Variants in R3HDM1 observed in about 807,000 individuals in gnomAD.
R3HDM1 encodes the protein R3H domain-containing protein 1.
A neutral mutation model predicts 141.1 loss-of-function variants in R3HDM1; 46 were observed. The observed-to-expected ratio is 0.33, with a 90% CI of 0.26 to 0.42. The LOEUF (loss-of-function observed/expected upper bound fraction) is 0.42, where lower values mean the gene tolerates loss of function less well. Among genes scored for constraint, R3HDM1 ranks in the 10% least tolerant of loss-of-function variants. The pLI is 1.00. For synonymous variants in R3HDM1, 435 were observed against 472.9 expected (o/e 0.92, Z 1.04); for missense variants, 1,184 against 1,368.3 (o/e 0.87, Z 2.12).
intron 21 of R3HDM1, among the ~76,000 whole-genome samples, chr2:135,706,359 A>G (rs956428830): frequency 3.3e-5 from 5 of 150,842 alleles, no homozygotes; most frequent in South Asian, 2.1e-4. Flanking sequence ...TTACATATCC[A>G]TAGTTTTGTT....
At chr2:135,616,814 A>T in intron 5 of R3HDM1, 57 bp downstream of exon 5, 1 of 1,384,750 alleles carries the variant, frequency 7.2e-7, no homozygotes, top group Non-Finnish European at 1.0e-6. Context: ...GAATTTTTGT[A>T]TATGATTTAA....
chr2:135,655,706 C>T (rs919738079), intron 18 of R3HDM1, among the ~76,000 whole-genome samples: 3 of 151,870 alleles, frequency 2.0e-5, no homozygotes, highest in Non-Finnish European at 2.9e-5. Context: ...CGGGGTTTCA[C>T]GGTAGTCTCG....
chr2:135,683,957 C>CATACATACATACATAA (rs552343754), intron 21 of R3HDM1, among the ~76,000 whole-genome samples: 55 of 145,514 alleles, frequency 3.8e-4, no homozygotes, highest in African/African-American at 1.5e-3. Flanking sequence ...CTCATAAATA[C>CATACATACATACATAA]ATACATACAT....
At chr2:135,561,413 C>T (rs1559125647) in intron 1 of R3HDM1, 2 of 875,364 alleles carry the variant, frequency 2.3e-6, no homozygotes, top group Non-Finnish European at 1.4e-6. Context: ...TAGCAAATGA[C>T]ATTTTAAAAA....
chr2:135,577,830 C>T (rs775013285), intron 1 of R3HDM1, among the ~76,000 whole-genome samples: 2 of 126,748 alleles, frequency 1.6e-5, no homozygotes, highest in East Asian at 2.2e-4. Context: ...AAGAATGAAA[C>T]TTCATCTCAA....
At chr2:135,587,226 T>C (rs1708144797) in intron 1 of R3HDM1, among the ~76,000 whole-genome samples, 1 of 152,198 alleles carries the variant, frequency 6.6e-6, no homozygotes, top group African/African-American at 2.4e-5. Flanking sequence ...AATCTCATCA[T>C]GTAGGTGATA....
chr2:135,547,002 CTT>C (rs34058961), intron 1 of R3HDM1, among the ~76,000 whole-genome samples: 2 of 151,986 alleles, frequency 1.3e-5, no homozygotes, highest in South Asian at 4.1e-4. Flanking sequence ...TTATAAAAAC[CTT>C]TTTTTAAGAT....
At chr2:135,598,721 T>A (rs533124439) in intron 1 of R3HDM1, among the ~76,000 whole-genome samples, 5 of 152,324 alleles carry the variant, frequency 3.3e-5, no homozygotes, top group African/African-American at 1.2e-4. Context: ...GAATTCATTA[T>A]GAAAAATATT....
chr2:135,617,639 A>T (rs1246916610), intron 5 of R3HDM1, among the ~76,000 whole-genome samples: 2 of 152,128 alleles, frequency 1.3e-5, no homozygotes, highest in African/African-American at 2.4e-5. Flanking sequence ...TGCTATGACT[A>T]CTTTTCTGTT....
intron 15 of R3HDM1, 96 bp from the exon 16 acceptor site, chr2:135,645,283 A>T: frequency 1.9e-6 from 2 of 1,080,686 alleles, no homozygotes; most frequent in Non-Finnish European, 2.6e-6. Flanking sequence ...AATTGTGGTT[A>T]AAGGATTTTG....
At chr2:135,635,735 T>C (rs2063186474) in intron 9 of R3HDM1, among the ~76,000 whole-genome samples, 155 bp from the exon 10 acceptor site, 1 of 152,234 alleles carries the variant, frequency 6.6e-6, no homozygotes, top group African/African-American at 2.4e-5. Context: ...ATGAGATTAT[T>C]GTGAGGACTA....
At chr2:135,598,736 C>G (rs527369305) in intron 1 of R3HDM1, among the ~76,000 whole-genome samples, 1 of 152,322 alleles carries the variant, frequency 6.6e-6, no homozygotes, top group African/African-American at 2.4e-5. Flanking sequence ...AATATTACCA[C>G]AGGGCCAGGC....
At chr2:135,607,385 A>G in intron 3 of R3HDM1, 1 of 951,388 alleles carries the variant, frequency 1.1e-6, no homozygotes, top group Non-Finnish European at 1.3e-6. Flanking sequence ...CAATGATAGC[A>G]ATTCCTCCAG....
At chr2:135,597,492 G>A (rs1001323424) in intron 1 of R3HDM1, among the ~76,000 whole-genome samples, 2 of 152,270 alleles carry the variant, frequency 1.3e-5, no homozygotes, top group Non-Finnish European at 2.9e-5. Flanking sequence ...AGTGCTCTTC[G>A]CCTTTCTTTC....
intron 18 of R3HDM1, among the ~76,000 whole-genome samples, chr2:135,657,334 C>G (rs2066045954): frequency 6.6e-6 from 1 of 150,990 alleles, no homozygotes; most frequent in South Asian, 2.1e-4. Context: ...TTGCTTGAAC[C>G]TGGAAGGTGG....
chr2:135,575,635 CAG>C (rs1385820840), intron 1 of R3HDM1, among the ~76,000 whole-genome samples: 1 of 152,158 alleles, frequency 6.6e-6, no homozygotes, highest in African/African-American at 2.4e-5. Flanking sequence ...CATATACAGA[CAG>C]TAGCCAGTTA....
chr2:135,716,355 T>G (rs763606616), intron 24 of R3HDM1, among the ~76,000 whole-genome samples: 49 of 152,352 alleles, frequency 3.2e-4, no homozygotes, highest in Admixed American at 1.1e-3. Context: ...AATCATTTAT[T>G]AAGGAAATGG....
intron 1 of R3HDM1, among the ~76,000 whole-genome samples, chr2:135,554,259 A>G (rs1247633585): frequency 6.6e-6 from 1 of 152,246 alleles, no homozygotes; most frequent in Non-Finnish European, 1.5e-5. Flanking sequence ...ATATATGTGT[A>G]ATCATATAGT....
intron 11 of R3HDM1, 111 bp downstream of exon 11, chr2:135,636,294 G>A: frequency 1.4e-6 from 2 of 1,432,996 alleles, no homozygotes; most frequent in South Asian, 1.6e-5. Flanking sequence ...CACATTTGTT[G>A]CACATAAGGT....
Sources: gnomAD v4.1 joint callset for allele counts (sites outside exome capture counted in the v4.1 genomes callset) on GRCh38, gnomAD v4.1.1 for gene constraint, MANE v1.5 for transcripts, NCBI Gene and HGNC (gene_info 2026-07-23, HGNC 2026-07-21) for gene names.